Variants in DCAF13 observed in about 807,000 individuals in gnomAD.
DCAF13 encodes the protein DDB1 and CUL4 associated factor 13.
Under a neutral mutation model 59.0 loss-of-function variants are expected in DCAF13, and 38 were observed. The observed-to-expected ratio is 0.64, with a 90% confidence interval of 0.50 to 0.84. The LOEUF is 0.84. Ranked by LOEUF, DCAF13 falls within the 40% of genes least tolerant of loss-of-function variation. The pLI is 0.00. For missense variants in DCAF13, 469 were observed against 558.4 expected, an observed-to-expected ratio of 0.84 and a Z score of 1.61; for synonymous variants, 173 against 175.0, an observed-to-expected ratio of 0.99 and a Z score of 0.09.
At chr8:103,430,777 T>C in intron 6 of DCAF13, 88 bp downstream of exon 6, 1 of 941,776 alleles carries the variant, frequency 1.1e-6, no homozygotes, top group South Asian at 1.8e-5. Context: ...GAGCAAATAT[T>C]TTCTCAGAAT....
chr8:103,438,787 C>G (rs1309897028), intron 8 of DCAF13, among the ~76,000 whole-genome samples: 1 of 152,028 alleles, frequency 6.6e-6, no homozygotes, highest in Admixed American at 6.5e-5. Flanking sequence ...GAGCCTGTTT[C>G]CTTCCTCTTT....
chr8:103,423,366 T>C (rs899593385), intron 3 of DCAF13, among the ~76,000 whole-genome samples: 3 of 152,114 alleles, frequency 2.0e-5, no homozygotes, highest in African/African-American at 7.2e-5. Flanking sequence ...ACAGGAATAC[T>C]ATTCAGCCTT....
intron 8 of DCAF13, among the ~76,000 whole-genome samples, chr8:103,438,816 A>G (rs1396792813): frequency 6.6e-6 from 1 of 152,134 alleles, no homozygotes; most frequent in African/African-American, 2.4e-5. Context: ...TGCATTTTGA[A>G]TAATTTAATC....
intron 7 of DCAF13, among the ~76,000 whole-genome samples, chr8:103,434,690 T>C (rs952814253): frequency 2.0e-5 from 3 of 152,126 alleles, no homozygotes; most frequent in Non-Finnish European, 2.9e-5. Context: ...CAAGTATTTT[T>C]ATATTAGGAA....
intron 3 of DCAF13, among the ~76,000 whole-genome samples, chr8:103,421,803 T>C (rs928405497): frequency 1.3e-5 from 2 of 152,280 alleles, no homozygotes; most frequent in Non-Finnish European, 2.9e-5. Context: ...CAGAATTTCC[T>C]TTCTTTTTAT....
intron 8 of DCAF13, among the ~76,000 whole-genome samples, chr8:103,438,411 T>C (rs576022917): frequency 2.4e-4 from 36 of 150,912 alleles, no homozygotes; most frequent in Non-Finnish European, 4.4e-4. Context: ...TTTGTGAGTA[T>C]AGTCGAGAGA....
Position 103,442,746 on chromosome 8 carries a change from TAAG to T in DCAF13, c.1251-47_1251-45del, listed in dbSNP as rs777574955. ...TTGATTTTTCTGAGAAAGTTTTCTT[TAAG>T]ATGAGTTCCCATAACTTGCTTATAT... On this transcript the variant is annotated intron_variant, in intron 10 of 10. Coordinates refer to ENST00000612750, the MANE Select transcript of DCAF13 (RefSeq NM_015420.7). 1.4e-4 allele frequency: 173 copies of T among 1,264,752 alleles called. 1 individual carries two copies. The East Asian group carries it at 4.2e-3, about 31-fold the overall frequency. 78.3% of individuals were successfully genotyped at this position (1,264,752 alleles called of 1,614,324 possible).
chr8:103,418,910 G>A (rs1816682322), intron 1 of DCAF13, among the ~76,000 whole-genome samples: 1 of 91,918 alleles, frequency 1.1e-5, no homozygotes, highest in African/African-American at 4.3e-5. Flanking sequence ...TTGAGATGAA[G>A]TCACACTCTG....
At chr8:103,418,543 C>CAA (rs149742593) in intron 1 of DCAF13, among the ~76,000 whole-genome samples, 3 of 151,478 alleles carry the variant, frequency 2.0e-5, no homozygotes, top group African/African-American at 7.3e-5. Context: ...AAAACAAAAA[C>CAA]AAAAACAAAA....
rs187210651 is a variant in DCAF13, at chr8:103,427,384, T to C, written c.624+132T>C. On this transcript the variant is annotated intron_variant, in intron 5 of 10. Transcript: ENST00000612750. ...TTTGGCATTTTGTCAGTTTTCCCGA[T>C]TGTAAATGAGTTCTGATACCTTTGC... is the stretch of plus-strand genomic sequence containing the variant. 805 of 782,112 alleles carry C rather than the reference T, an allele frequency of 1.0e-3. 3 individuals carry two copies. The highest frequency in any genetic ancestry group is 1.5e-3 in the Non-Finnish European group (741 of 489,976). The allele number at this position is 782,112 out of a possible 1,614,324, so 48.4% of individuals were successfully genotyped here. A position where few individuals can be genotyped will look rare whatever the true frequency, so the allele number is the denominator to read the frequency against.
chr8:103,435,893 C>A, intron 8 of DCAF13, 103 bp downstream of exon 8: 1 of 1,205,872 alleles, frequency 8.3e-7, no homozygotes, highest in East Asian at 2.4e-5. Context: ...GTGTGAACAT[C>A]ATCAGAGTGC....
intron 6 of DCAF13, among the ~76,000 whole-genome samples, chr8:103,431,497 T>C (rs1054917799): frequency 1.1e-4 from 16 of 152,206 alleles, no homozygotes; most frequent in African/African-American, 3.6e-4. Context: ...AGTACATTCA[T>C]TGAAGTTTGA....
intron 10 of DCAF13, 140 bp downstream of exon 10, chr8:103,441,758 C>A: frequency 5.2e-6 from 4 of 770,430 alleles, no homozygotes; most frequent in Non-Finnish European, 8.2e-6. Flanking sequence ...TTGAAGACTT[C>A]TACAGAAGGC....
chr8:103,441,437 C>T lies in DCAF13; in HGVS notation c.1087-18C>T. The T allele has an allele frequency of 6.4e-7, 1 of 1,573,798 alleles. No homozygotes were observed. Among genetic ancestry groups the T allele is most frequent in the Non-Finnish European group, 8.6e-7 (1 of 1,166,666 alleles). ...AACAACACACTATTCATTAAGATAC[C>T]AAAATGTGTATTTTCAGCTTACATC... is the stretch of plus-strand genomic sequence containing the variant. On this transcript the variant is annotated intron_variant, in intron 9 of 10. Coordinates refer to ENST00000612750, the MANE Select transcript of DCAF13 (RefSeq NM_015420.7).
intron 10 of DCAF13, 37 bp from the exon 11 acceptor site, chr8:103,442,758 C>A (rs374095345): frequency 1.4e-6 from 2 of 1,404,080 alleles, no homozygotes; most frequent in Non-Finnish European, 1.9e-6. Context: ...AGATGAGTTC[C>A]CATAACTTGC....
At chr8:103,436,074 A>C (rs1488207495) in intron 8 of DCAF13, among the ~76,000 whole-genome samples, 1 of 152,184 alleles carries the variant, frequency 6.6e-6, no homozygotes, top group Non-Finnish European at 1.5e-5. Context: ...AAACACAGGA[A>C]AAGTACAGTA....
intron 8 of DCAF13, among the ~76,000 whole-genome samples, chr8:103,439,009 CT>C (rs1167912420): frequency 6.6e-6 from 1 of 151,840 alleles, no homozygotes; most frequent in African/African-American, 2.4e-5. Flanking sequence ...TTAAATGATT[CT>C]TTTTTTTCTT....
chr8:103,436,457 G>A (rs976850806), intron 8 of DCAF13, among the ~76,000 whole-genome samples: 3 of 152,100 alleles, frequency 2.0e-5, no homozygotes, highest in Non-Finnish European at 4.4e-5. Flanking sequence ...CCATAGTCTC[G>A]TGTGTGTCTC....
intron 8 of DCAF13, among the ~76,000 whole-genome samples, chr8:103,438,738 C>T (rs1020587532): frequency 7.2e-5 from 11 of 152,178 alleles, no homozygotes; most frequent in Middle Eastern, 3.4e-3. Flanking sequence ...TTGATTTAGT[C>T]ATTCTGTTTG....
Sources: allele counts gnomAD v4.1 joint callset (sites outside exome capture counted in the v4.1 genomes callset), GRCh38; gene constraint gnomAD v4.1.1; transcripts MANE v1.5; gene names NCBI Gene and HGNC (gene_info 2026-07-23, HGNC 2026-07-21).